The following ADGRE3 variants were observed in gnomAD, a reference collection of about 807,000 sequenced individuals.
ADGRE3 encodes the protein EGF-like module receptor 3.
In ADGRE3, 88 loss-of-function variants were observed where a neutral mutation model predicts 80.1. The ratio of observed to expected loss-of-function variants is 1.10; its 90% CI spans 0.93 to 1.31. ADGRE3 has a LOEUF of 1.31. Ranked by LOEUF, ADGRE3 falls within the 40% of genes most tolerant of loss-of-function variation. ADGRE3 has a pLI of 0.00. For missense variants in ADGRE3, 715 were observed against 776.5 expected, an observed-to-expected ratio of 0.92 and a Z score of 0.94; for synonymous variants, 281 against 294.8, an observed-to-expected ratio of 0.95 and a Z score of 0.48.
At position 14,619,427 on chromosome 19, in the gene ADGRE3, C is replaced by G; in HGVS notation, c.*6G>C. ...GATTTTCCATATGGAGTTGAATATT[C>G]TAGTTTTAATATTTTCTCTTCACTT... On this transcript the variant is annotated 3_prime_UTR_variant, in exon 16 of 16. Coordinates refer to ENST00000253673, the MANE Select transcript of ADGRE3 (RefSeq NM_032571.5). The G allele has an allele frequency of 6.4e-7, 1 of 1,567,256 alleles. No individual in the cohort carries two copies. The highest frequency in any genetic ancestry group is 1.1e-5 in the South Asian group (1 of 89,856).
chr19:14,633,079 C>T, intron 12 of ADGRE3, 67 bp from the exon 13 acceptor site: 2 of 1,373,912 alleles, frequency 1.5e-6, no homozygotes, highest in Non-Finnish European at 2.1e-6. Flanking sequence ...CTTTAAATTG[C>T]ACACAGGAGT....
Position 14,647,158 on chromosome 19 carries a change from C to A in ADGRE3, c.882+23G>T, listed in dbSNP as rs1351387956. 4 of 1,607,320 alleles carry A rather than the reference C, an allele frequency of 2.5e-6. No individual in the cohort carries two copies. The South Asian group carries it at 4.4e-5, about 18-fold the overall frequency. ...GCCTGCCTCCTTGAGAACCCACAAG[C>A]TCAAATCATACCTGTGACCCACCTT... On this transcript the variant is annotated intron_variant, in intron 8 of 15. Coordinates refer to ENST00000253673, the MANE Select transcript of ADGRE3 (RefSeq NM_032571.5).
At chr19:14,602,743 T>C in the ADGRE3 span, among the ~76,000 whole-genome samples, 1 of 150,448 alleles carries the variant, frequency 6.6e-6, no homozygotes, top group Admixed American at 6.6e-5. Context: ...GTTAAACAGT[T>C]TTTTTTTTTT....
At position 14,644,115 on chromosome 19, in the gene ADGRE3, G is replaced by T; in HGVS notation, c.1043C>A (p.Thr348Asn). The T allele has an allele frequency of 1.3e-6, 2 of 1,538,404 alleles. No individual in the cohort carries two copies. Among genetic ancestry groups the T allele is most frequent in the Non-Finnish European group, 1.8e-6 (2 of 1,141,616 alleles). Reference sequence around the variant, plus strand: ...AAAACATATACATCATACCTGGCTGGTCAGGGCCATCAGGACAGCGAAGCT... The same window carrying T: ...AAAACATATACATCATACCTGGCTGTTCAGGGCCATCAGGACAGCGAAGCT... ...LSSFAVLMAL[T>N]SQEEDPVLTV... Residue 348 changes from threonine (T) to asparagine (N), a missense_variant, in exon 9 of 16, where the codon ACC (threonine) becomes AAC (asparagine). Thr to Asn is a moderately conservative substitution (Grantham distance 65). Transcript: ENST00000253673.
At chr19:14,643,144 G>GTTTTTTTTTTTTTTTTT (rs373306807) in intron 9 of ADGRE3, among the ~76,000 whole-genome samples, 23 of 124,074 alleles carry the variant, frequency 1.9e-4, no homozygotes, top group African/African-American at 6.9e-4. Context: ...AGTAATCATG[G>GTTTTTTTTTTTTTTTTT]TTTTTTTTTT....
intron 2 of ADGRE3, among the ~76,000 whole-genome samples, chr19:14,666,949 C>T (rs1462635535): frequency 6.6e-6 from 1 of 152,108 alleles, no homozygotes; most frequent in Non-Finnish European, 1.5e-5. Flanking sequence ...CCACCCAGAA[C>T]CTCAGGATAT....
At position 14,638,169 on chromosome 19, in the gene ADGRE3, C is replaced by T. The variant is rs559170756; in HGVS notation, c.1420G>A (p.Val474Ile). 132 of 1,614,082 alleles carry T rather than the reference C, an allele frequency of 8.2e-5. No individual in the cohort carries two copies. The South Asian group carries it at 9.4e-4, about 12-fold the overall frequency. The change falls in exon 11 of 16, where the codon GTT becomes ATT. Residue 474 changes from valine (V) to isoleucine (I), a missense_variant. By Grantham distance (29) the Val-to-Ile change is conservative. Transcript: ENST00000253673. ...GAAATGGCCACAGTCACAGCGGGAA[C>T]GCCATAGCCGACTGGGAACATGATC... Reference protein sequence around the residue: ...KWIMFPVGYGVPAVTVAISAA... With the variant: ...KWIMFPVGYGIPAVTVAISAA...
At chr19:14,646,702 T>TCCTC (rs1971417253) in intron 8 of ADGRE3, among the ~76,000 whole-genome samples, 2 of 121,632 alleles carry the variant, frequency 1.6e-5, no homozygotes, top group Non-Finnish European at 3.3e-5. Flanking sequence ...CCTCCTTCCT[T>TCCTC]CCTTCCTTCC....
At chr19:14,617,377 C>CTTTCTTTCTTTCTTTCTTTCTTCCTTT (rs1491527496), downstream of ADGRE3, among the ~76,000 whole-genome samples, 22 of 86,300 alleles carry the variant, frequency 2.5e-4, no homozygotes, top group Non-Finnish European at 4.0e-4. Flanking sequence ...TTTCTTTCTT[C>CTTTCTTTCTTTCTTTCTTTCTTCCTTT]CTTTCTTTCT....
chr19:14,608,992 G>T, the ADGRE3 span, among the ~76,000 whole-genome samples: 1 of 151,960 alleles, frequency 6.6e-6, no homozygotes, highest in Non-Finnish European at 1.5e-5. Flanking sequence ...TAGAGACGGG[G>T]TTTCAACATG....
At position 14,632,946 on chromosome 19, in the gene ADGRE3, C is replaced by T. The variant is rs1439620698; in HGVS notation, c.1618G>A (p.Glu540Lys). 1.2e-5 allele frequency: 19 copies of T among 1,613,242 alleles called. No individual in the cohort carries two copies. Among genetic ancestry groups the T allele is most frequent in the Non-Finnish European group, 1.5e-5 (18 of 1,179,364 alleles). The change falls in exon 13 of 16, where the codon GAA (glutamate) becomes AAA (lysine). Residue 540 changes from glutamate to lysine, a missense_variant. Transcript: ENST00000253673. ...CTTGTGTTCTGGATGGTTGACACTT[C>T]ACTATTGAGGGAGGAAAGTTTTCTT... ...LKRKLSSLNS[E>K]VSTIQNTRML...
At position 14,619,449 on chromosome 19, in the gene ADGRE3, A is replaced by T; in HGVS notation, c.1943T>A (p.Val648Glu). Residue 648 changes from valine (V) to glutamate (E), a missense_variant, in exon 16 of 16, where the codon GTG becomes GAG. By Grantham distance (121) the Val-to-Glu change is moderately radical (BLOSUM62 -2). Coordinates refer to ENST00000253673, the MANE Select transcript of ADGRE3 (RefSeq NM_032571.5). ...PSEGDVFPGQVKRKY is the reference protein window; with the variant it reads ...PSEGDVFPGQEKRKY The stretch of plus-strand genomic sequence containing the variant: ...ATTCTAGTTTTAATATTTTCTCTTC[A>T]CTTGTCCTGGAAAAACATCCCCCTA... The T allele has an allele frequency of 6.3e-7, 1 of 1,594,060 alleles. No individual in the cohort carries two copies. Among genetic ancestry groups the T allele is most frequent in the African/African-American group, 1.3e-5 (1 of 74,608 alleles).
chr19:14,662,005 C>A lies in ADGRE3; in HGVS notation c.313G>T (p.Gly105Trp), dbSNP rs988718925. Residue 105 changes from glycine (G) to tryptophan (W), a missense_variant, in exon 4 of 16, where the codon GGG becomes TGG. Physicochemically the swap from Gly to Trp is radical, Grantham distance 184. Coordinates refer to ENST00000253673, the MANE Select transcript of ADGRE3 (RefSeq NM_032571.5). ...TTGGAATTACTGAATTGTTCATTCC[C>A]AGAATGCAGTCTATATCCTGGGACA... ...QCVPGYRLHS[G>W]NEQFSNSNEN... is the part of the protein sequence containing the mutation. 6.2e-7 allele frequency: 1 copy of A among 1,614,128 alleles called. No individual in the cohort carries two copies. Among genetic ancestry groups the A allele is most frequent in the Admixed American group, 1.7e-5 (1 of 60,016 alleles).
At chr19:14,621,102 C>A (rs563956193) in intron 15 of ADGRE3, among the ~76,000 whole-genome samples, 11 of 152,184 alleles carry the variant, frequency 7.2e-5, no homozygotes, top group Non-Finnish European at 4.4e-5. Flanking sequence ...TCACCGTAAT[C>A]TTTGCCTCCC....
At chr19:14,629,130 G>A (rs1023982015) in intron 14 of ADGRE3, among the ~76,000 whole-genome samples, 5 of 152,016 alleles carry the variant, frequency 3.3e-5, no homozygotes, top group African/African-American at 1.2e-4. Context: ...CGCCATGTTC[G>A]TCAGGCTGGT....
At chr19:14,606,977 GA>G in the ADGRE3 span, 5 of 1,255,910 alleles carry the variant, frequency 4.0e-6, no homozygotes, top group Middle Eastern at 2.0e-4. Context: ...TGGCTGAATG[GA>G]ATTTTTATTT....
chr19:14,656,381 A>G (rs1971765075), intron 5 of ADGRE3, among the ~76,000 whole-genome samples: 1 of 151,282 alleles, frequency 6.6e-6, no homozygotes, highest in African/African-American at 2.4e-5. Flanking sequence ...AAAAGAAAAA[A>G]AAAAAAGAAA....
Position 14,644,295 on chromosome 19 carries a change from AG to A in ADGRE3, c.883-21del, listed in dbSNP as rs1971338229. 3.4e-6 allele frequency: 5 copies of A among 1,464,090 alleles called. No homozygotes were observed. The highest frequency in any genetic ancestry group is 4.6e-6 in the Non-Finnish European group (5 of 1,098,642). The allele number at this position is 1,464,090 out of a possible 1,614,324, so 90.7% of individuals were successfully genotyped here. A position where few individuals can be genotyped will look rare whatever the true frequency, so the allele number is the denominator to read the frequency against. The stretch of plus-strand genomic sequence containing the variant: ...GGTCATCTGAAAATAGAAAATAGAA[AG>A]GGCTCATTGTCTTTGTCTTTCTTTC... On this transcript the variant is annotated intron_variant, in intron 8 of 15. Transcript: ENST00000253673.
intron 14 of ADGRE3, among the ~76,000 whole-genome samples, chr19:14,626,945 AC>A (rs1227031054): frequency 6.6e-6 from 1 of 152,198 alleles, no homozygotes; most frequent in Non-Finnish European, 1.5e-5. Flanking sequence ...TGTGGGCAGT[AC>A]GAAGCCTTCA....
Sources: gnomAD v4.1 joint callset for allele counts (sites outside exome capture counted in the v4.1 genomes callset) on GRCh38, gnomAD v4.1.1 for gene constraint, MANE v1.5 for transcripts, NCBI Gene and HGNC (gene_info 2026-07-23, HGNC 2026-07-21) for gene names.